The following PRKN variants were observed in gnomAD, a reference collection of about 807,000 sequenced individuals.
PRKN encodes E3 ubiquitin-protein ligase parkin.
A neutral mutation model predicts 59.5 loss-of-function variants in PRKN; 56 were observed. The ratio of observed to expected loss-of-function variants is 0.94; its 90% CI spans 0.76 to 1.18. The LOEUF (loss-of-function observed/expected upper bound fraction) is 1.18, where lower values mean the gene tolerates loss of function less well. Among genes scored for constraint, PRKN ranks in the 50% most tolerant of loss-of-function variants. The pLI, the probability that PRKN is intolerant of heterozygous loss-of-function variation, is 0.00. For missense variants in PRKN, 657 were observed against 596.4 expected, an observed-to-expected ratio of 1.10 and a Z score of -1.06; for synonymous variants, 250 against 222.1, an observed-to-expected ratio of 1.13 and a Z score of -1.12.
intron 1 of PRKN, among the ~76,000 whole-genome samples, chr6:162,686,101 A>G (rs1779965962): frequency 6.6e-6 from 1 of 152,194 alleles, no homozygotes; most frequent in Non-Finnish European, 1.5e-5. Flanking sequence ...AAAAAAAGTT[A>G]ATTTTAAAAT....
Position 162,201,372 on chromosome 6 carries a change from C to G in PRKN, c.413-120G>C, listed in dbSNP as rs1784724642. On this transcript the variant is annotated intron_variant, in intron 3 of 11. Coordinates refer to ENST00000366898, the MANE Select transcript of PRKN (RefSeq NM_004562.3). ...CTCAGTCTTCAGGAACATTTTGAAA[C>G]ATTACTGGAATAAATATTCCAATGG... 3.5e-6 allele frequency: 3 copies of G among 856,858 alleles called. No individual in the cohort carries two copies. In the Admixed American group the frequency reaches 5.6e-5, roughly 16 times the overall value. The allele number at this position is 856,858 out of a possible 1,614,324, so 53.1% of individuals were successfully genotyped here. A position where few individuals can be genotyped will look rare whatever the true frequency, so the allele number is the denominator to read the frequency against.
rs997074952 is a variant in PRKN, at chr6:162,443,295, C to G, written c.171+15G>C. 1 of 1,612,128 alleles carries G rather than the reference C, an allele frequency of 6.2e-7. No individual in the cohort carries two copies. The highest frequency in any genetic ancestry group is 1.7e-5 in the Admixed American group (1 of 60,018). ...GCTGGCGGCATCCCAAGAACGGCCGCCAAGGGAGACTCACCTGCACAGTCC... is the reference window on the plus strand; with the variant it reads ...GCTGGCGGCATCCCAAGAACGGCCGGCAAGGGAGACTCACCTGCACAGTCC... On this transcript the variant is annotated intron_variant, in intron 2 of 11. Coordinates refer to ENST00000366898, the MANE Select transcript of PRKN (RefSeq NM_004562.3).
At chr6:161,814,658 A>G (rs915581428) in intron 6 of PRKN, among the ~76,000 whole-genome samples, 1 of 152,112 alleles carries the variant, frequency 6.6e-6, no homozygotes, top group African/African-American at 2.4e-5. Context: ...ATGTGCCACC[A>G]CGCCCAGCTA....
At position 161,459,787 on chromosome 6, in the gene PRKN, G is replaced by C. The variant is rs181281266; in HGVS notation, c.1084-72910C>G. 6.6e-6 allele frequency among the ~76,000 whole-genome samples: 1 copy of C among 152,078 alleles called. No individual in the cohort carries two copies. The highest frequency in any genetic ancestry group is 1.5e-5 in the Non-Finnish European group (1 of 67,996). ...AGTTCAGTTATTTGGTTTTCTCTTTGTCTCCTTCTTCATAATTTAGAGGCT... is the reference window on the plus strand; with the variant it reads ...AGTTCAGTTATTTGGTTTTCTCTTTCTCTCCTTCTTCATAATTTAGAGGCT... On this transcript the variant is annotated intron_variant, in intron 9 of 11. Transcript: ENST00000366898. The surrounding 1 kb of genome is among the most constrained non-coding windows in gnomAD (Gnocchi z 4.8).
intron 5 of PRKN, among the ~76,000 whole-genome samples, chr6:162,008,589 C>G (rs79329757): frequency 0.01 from 1,556 of 152,200 alleles, 65 homozygotes; most frequent in East Asian, 0.091. Context: ...CCAGGAGAAT[C>G]TGGAAAAGCT....
At position 161,414,071 on chromosome 6, in the gene PRKN, T is replaced by A. The variant is rs749744302; in HGVS notation, c.1084-27194A>T. Reference sequence around the variant, plus strand: ...GTGTCCTGGGCCGAGGTGGGGAGGGTCAGTGAGGGCAGGGTACTGGTGTCA... The same window carrying A: ...GTGTCCTGGGCCGAGGTGGGGAGGGACAGTGAGGGCAGGGTACTGGTGTCA... On this transcript the variant is annotated intron_variant, in intron 9 of 11. Coordinates refer to ENST00000366898, the MANE Select transcript of PRKN (RefSeq NM_004562.3). The surrounding 1 kb of genome is among the most constrained non-coding windows in gnomAD (Gnocchi z 5.3). 3.3e-5 allele frequency among the ~76,000 whole-genome samples: 5 copies of A among 151,812 alleles called. No individual in the cohort carries two copies. Among genetic ancestry groups the A allele is most frequent in the Non-Finnish European group, 7.4e-5 (5 of 67,972 alleles).
chr6:162,098,959 C>A (rs779158672), intron 4 of PRKN, among the ~76,000 whole-genome samples: 4 of 152,072 alleles, frequency 2.6e-5, no homozygotes, highest in Non-Finnish European at 5.9e-5. Flanking sequence ...ATCTGGAGTC[C>A]GTTACACTTG....
chr6:162,404,997 T>C (rs1463197691), intron 2 of PRKN, among the ~76,000 whole-genome samples: 1 of 152,154 alleles, frequency 6.6e-6, no homozygotes, highest in Non-Finnish European at 1.5e-5. Flanking sequence ...CCTATATTAT[T>C]AATGCAAGAA....
intron 3 of PRKN, among the ~76,000 whole-genome samples, chr6:162,225,757 T>C (rs1778142249): frequency 1.3e-5 from 2 of 152,020 alleles, no homozygotes; most frequent in African/African-American, 4.8e-5. Flanking sequence ...ATGTAGCTGA[T>C]GTGTTTAACT....
intron 1 of PRKN, among the ~76,000 whole-genome samples, chr6:162,726,567 T>C (rs1378885575): frequency 6.6e-6 from 1 of 152,222 alleles, no homozygotes; most frequent in African/African-American, 2.4e-5. Context: ...ATTCTCCCAC[T>C]GATGGGGAGA....
Position 161,548,860 on chromosome 6 carries a change from G to A in PRKN, c.1077C>T (p.Gly359=), listed in dbSNP as rs1779887518. The A allele has an allele frequency of 6.2e-7, 1 of 1,614,102 alleles. No homozygotes were observed. Among genetic ancestry groups the A allele is most frequent in the Non-Finnish European group, 8.5e-7 (1 of 1,179,970 alleles). The change falls in exon 9 of 12, where the codon GGC becomes GGT. Residue 359 remains glycine (G), a synonymous_variant. Coordinates refer to ENST00000366898, the MANE Select transcript of PRKN (RefSeq NM_004562.3). This position sits in a 1 kb window ranked among gnomAD's most constrained non-coding sequence, Gnocchi z 4.2. The stretch of plus-strand genomic sequence containing the variant: ...GGGTGTGGGCAGTACTCACCCCACA[G>A]CCCAGGCCATTGCCCCCTTCGCAGG... ...KVTCEGGNGL[G]CGFAFCRECK... is the part of the protein sequence containing the mutation.
intron 2 of PRKN, among the ~76,000 whole-genome samples, chr6:162,345,266 C>T (rs981803079): frequency 6.6e-6 from 1 of 152,198 alleles, no homozygotes; most frequent in African/African-American, 2.4e-5. Flanking sequence ...TTTTAAGAAT[C>T]AGGGCAGATG....
At chr6:161,953,863 A>G (rs1419054483) in intron 6 of PRKN, among the ~76,000 whole-genome samples, 1 of 152,218 alleles carries the variant, frequency 6.6e-6, no homozygotes, top group Non-Finnish European at 1.5e-5. Flanking sequence ...AATCAGTGGT[A>G]CTGAGGCAGA....
chr6:162,066,577 T>C (rs1205613878), intron 4 of PRKN, among the ~76,000 whole-genome samples: 2 of 151,948 alleles, frequency 1.3e-5, no homozygotes, highest in Admixed American at 6.6e-5. Flanking sequence ...CTTGCAGGAG[T>C]GGGTTCTCTT....
chr6:162,627,989 T>A (rs1190231208), intron 1 of PRKN, among the ~76,000 whole-genome samples: 1 of 152,018 alleles, frequency 6.6e-6, no homozygotes, highest in East Asian at 1.9e-4. Flanking sequence ...ATAGAGCCAA[T>A]GAACATGGGC....
rs548823908 is a variant in PRKN at position 162,468,893 on chromosome 6, G to GA, written c.8-25421dup. 1.1e-3 allele frequency among the ~76,000 whole-genome samples: 170 copies of GA among 152,184 alleles called. 1 individual carries two copies. The highest frequency in any genetic ancestry group is 1.8e-3 in the Non-Finnish European group (122 of 67,998). On this transcript the variant is annotated intron_variant, in intron 1 of 11. Coordinates refer to ENST00000366898, the MANE Select transcript of PRKN (RefSeq NM_004562.3). ...TCAAAATCATATGAGAATTTTAGGG[G>GA]AAAAAACAGAAGAAATAATAAATCA...
At chr6:162,547,367 C>A (rs114621708) in intron 1 of PRKN, among the ~76,000 whole-genome samples, 2,000 of 152,206 alleles carry the variant, frequency 0.013, 50 homozygotes, top group African/African-American at 0.044. Flanking sequence ...CATGTTACAG[C>A]CAAATTTTAT....
At chr6:162,431,381 A>T (rs546493414) in intron 2 of PRKN, among the ~76,000 whole-genome samples, 1 of 152,224 alleles carries the variant, frequency 6.6e-6, no homozygotes, top group Non-Finnish European at 1.5e-5. Context: ...ACATTTAGTT[A>T]TTTTTAAATT....
intron 1 of PRKN, among the ~76,000 whole-genome samples, chr6:162,656,504 T>A (rs929932302): frequency 6.6e-6 from 1 of 152,208 alleles, no homozygotes; most frequent in African/African-American, 2.4e-5. Flanking sequence ...AACCTCTCTT[T>A]CACATGTAGT....
Sources: allele counts gnomAD v4.1 joint callset (sites outside exome capture counted in the v4.1 genomes callset), GRCh38; gene constraint gnomAD v4.1.1; non-coding constraint Gnocchi (gnomAD v3.1); transcripts MANE v1.5; gene names NCBI Gene and HGNC (gene_info 2026-07-23, HGNC 2026-07-21).